GPR151: variants seen among roughly 807,000 people sequenced by gnomAD.
The protein encoded by GPR151 is G-protein coupled receptor PGR7.
A neutral mutation model predicts 18.2 loss-of-function variants in GPR151; 16 were observed. That is an observed-to-expected ratio of 0.88 (90% CI 0.60 to 1.34). The LOEUF is 1.34. GPR151 is among the 40% of genes most tolerant of loss of function. The pLI, the probability that GPR151 is intolerant of heterozygous loss-of-function variation, is 0.00. For missense variants in GPR151, 509 were observed against 504.3 expected (o/e 1.01, Z -0.09); for synonymous variants, 202 against 191.2 (o/e 1.06, Z -0.47).
Position 146,515,896 on chromosome 5 carries a change from A to G in GPR151, c.218T>C (p.Ile73Thr), listed in dbSNP as rs1768610989. ...GCTGAGATTCAGAATCAGGGAGTGGATCATGGATGGCTTTCCTTTCCAAGC... is the reference window on the plus strand; with the variant it reads ...GCTGAGATTCAGAATCAGGGAGTGGGTCATGGATGGCTTTCCTTTCCAAGC... ...HNAWKGKPSM[I>T]HSLILNLSLA... Residue 73 changes from isoleucine to threonine, a missense_variant, in exon 1 of 1, where the codon ATC becomes ACC. Ile to Thr is a moderately conservative substitution (Grantham distance 89, BLOSUM62 -1). Transcript: ENST00000311104. 5.0e-6 allele frequency: 8 copies of G among 1,614,144 alleles called. No individual in the cohort carries two copies. In the East Asian group the frequency reaches 8.9e-5, roughly 18 times the overall value.
rs1247966717 is a variant in GPR151, at chr5:146,516,058, G to T, written c.56C>A (p.Ala19Asp). The T allele has an allele frequency of 3.1e-6, 5 of 1,613,958 alleles. No individual in the cohort carries two copies. Among genetic ancestry groups the T allele is most frequent in the Non-Finnish European group, 4.2e-6 (5 of 1,180,026 alleles). The change falls in exon 1 of 1, where the codon GCT becomes GAT. Residue 19 changes from alanine to aspartate, a missense_variant. By Grantham distance (126) the Ala-to-Asp change is moderately radical (BLOSUM62 -2). Coordinates refer to ENST00000311104, the MANE Select transcript of GPR151 (RefSeq NM_194251.3). Reference sequence around the variant, plus strand: ...GTACCCTCCGGCAAAGTGGAGGTGAGCAAAGGACACATTCATGCTGCTGGA... The same window carrying T: ...GTACCCTCCGGCAAAGTGGAGGTGATCAAAGGACACATTCATGCTGCTGGA... ...SNSSSMNVSF[A>D]HLHFAGGYLP...
Position 146,513,438 on chromosome 5 carries a change from T to C in GPR151, c.*1416A>G, listed in dbSNP as rs769294010. The C allele has an allele frequency of 6.6e-6, 1 of 151,972 alleles. No homozygotes were observed. The highest frequency in any genetic ancestry group is 1.5e-5 in the Non-Finnish European group (1 of 67,980). 9.4% of individuals were successfully genotyped at this position (151,972 alleles called of 1,614,324 possible). Reference sequence around the variant, plus strand: ...GGAAACCCATAGACAAAAAGCAAAATCTTTTTTTTTCCATAACATATCCTT... The same window carrying C: ...GGAAACCCATAGACAAAAAGCAAAACCTTTTTTTTTCCATAACATATCCTT... On this transcript the variant is annotated 3_prime_UTR_variant, in exon 1 of 1. Transcript: ENST00000311104.
rs986284835 is a variant in GPR151, at chr5:146,514,806, T to C, written c.*48A>G. 1.6e-6 allele frequency: 2 copies of C among 1,223,440 alleles called. No individual in the cohort carries two copies. The highest frequency in any genetic ancestry group is 1.5e-5 in the African/African-American group (1 of 66,214). The allele number at this position is 1,223,440 out of a possible 1,614,324, so 75.8% of individuals were successfully genotyped here. A position where few individuals can be genotyped will look rare whatever the true frequency, so the allele number is the denominator to read the frequency against. ...AGTCAGCAATATTGATAAGCAGCAG[T>C]ACAAGTAAATACAATAATCACAGTT... On this transcript the variant is annotated 3_prime_UTR_variant, in exon 1 of 1. Transcript: ENST00000311104.
rs576695163 is a variant in GPR151 at position 146,516,054 on chromosome 5, G to T, written c.60C>A (p.His20Gln). 1 of 1,614,104 alleles carries T rather than the reference G, an allele frequency of 6.2e-7. No individual in the cohort carries two copies. The highest frequency in any genetic ancestry group is 1.3e-5 in the African/African-American group (1 of 75,032). Residue 20 changes from histidine (H) to glutamine (Q), a missense_variant, in exon 1 of 1, where the codon CAC (histidine) becomes CAA (glutamine). Coordinates refer to ENST00000311104, the MANE Select transcript of GPR151 (RefSeq NM_194251.3). ...GCAGGTACCCTCCGGCAAAGTGGAG[G>T]TGAGCAAAGGACACATTCATGCTGC... is the stretch of plus-strand genomic sequence containing the variant. Reference protein sequence around the residue: ...NSSSMNVSFAHLHFAGGYLPS... With the variant: ...NSSSMNVSFAQLHFAGGYLPS...
In GPR151 at chr5:146,515,935, A is replaced by T. The variant is rs149923366; in HGVS notation, c.179T>A (p.Ile60Asn). 6.2e-6 allele frequency: 10 copies of T among 1,613,932 alleles called. No individual in the cohort carries two copies. The highest frequency in any genetic ancestry group is 2.2e-5 in the South Asian group (2 of 91,060). Residue 60 changes from isoleucine to asparagine, a missense_variant, in exon 1 of 1, where the codon ATC (isoleucine) becomes AAC (asparagine). By Grantham distance (149) the Ile-to-Asn change is moderately radical. Transcript: ENST00000311104. ...TCCTTTCCAAGCATTGTGAAGGAGG[A>T]TGCCAATCACACACAGGTTTCCCAC... Reference protein sequence around the residue: ...GFVGNLCVIGILLHNAWKGKP... With the variant: ...GFVGNLCVIGNLLHNAWKGKP...
chr5:146,514,623 T>A lies in GPR151; in HGVS notation c.*231A>T. On this transcript the variant is annotated 3_prime_UTR_variant, in exon 1 of 1. Transcript: ENST00000311104. ...GTCTAATCACTTTGACAGCAACATCTTTACACAACACTTAAATTGTTTGGG... is the reference window on the plus strand; with the variant it reads ...GTCTAATCACTTTGACAGCAACATCATTACACAACACTTAAATTGTTTGGG... 7 of 472,494 alleles carry A rather than the reference T, an allele frequency of 1.5e-5. No individual in the cohort carries two copies. Among genetic ancestry groups the A allele is most frequent in the South Asian group, 7.6e-5 (2 of 26,376 alleles). 29.3% of individuals were successfully genotyped at this position (472,494 alleles called of 1,614,324 possible). A position where few individuals can be genotyped will look rare whatever the true frequency, so the allele number is the denominator to read the frequency against.
rs756533726 is a variant in GPR151, at chr5:146,515,673, CACTT to C, written c.437_440del (p.Gln146ArgfsTer104). On this transcript the variant is annotated frameshift_variant, in exon 1 of 1. Transcript: ENST00000311104. LOFTEE classifies it high-confidence loss of function. Reference sequence around the variant, plus strand: ...ACCAGATGGTGTAGTTGTGGATACTCACTTGCTTGGCTGGGTCACTTGCATACAT... The same window carrying C: ...ACCAGATGGTGTAGTTGTGGATACTCGCTTGGCTGGGTCACTTGCATACAT... 141 of 1,614,140 alleles carry C rather than the reference CACTT, an allele frequency of 8.7e-5. No individual in the cohort carries two copies. Among genetic ancestry groups the C allele is most frequent in the South Asian group, 3.6e-4 (33 of 91,066 alleles).
At position 146,513,422 on chromosome 5, in the gene GPR151, T is replaced by C. The variant is rs376370773; in HGVS notation, c.*1432A>G. 17 of 152,264 alleles carry C rather than the reference T, an allele frequency of 1.1e-4. 1 individual carries two copies. The highest frequency in any genetic ancestry group is 3.6e-4 in the African/African-American group (15 of 41,560). The allele number at this position is 152,264 out of a possible 1,614,324, so 9.4% of individuals were successfully genotyped here. A position where few individuals can be genotyped will look rare whatever the true frequency, so the allele number is the denominator to read the frequency against. The stretch of plus-strand genomic sequence containing the variant: ...AAAAAGCAAAGAATCCGGAAACCCA[T>C]AGACAAAAAGCAAAATCTTTTTTTT... On this transcript the variant is annotated 3_prime_UTR_variant, in exon 1 of 1. Transcript: ENST00000311104.
rs550150656 is a variant in GPR151 at position 146,514,014 on chromosome 5, A to T, written c.*840T>A. 6.6e-6 allele frequency: 1 copy of T among 152,328 alleles called. No individual in the cohort carries two copies. Among genetic ancestry groups the T allele is most frequent in the Admixed American group, 6.5e-5 (1 of 15,308 alleles). The allele number at this position is 152,328 out of a possible 1,614,324, so 9.4% of individuals were successfully genotyped here. A position where few individuals can be genotyped will look rare whatever the true frequency, so the allele number is the denominator to read the frequency against. On this transcript the variant is annotated 3_prime_UTR_variant, in exon 1 of 1. Transcript: ENST00000311104. Reference sequence around the variant, plus strand: ...AGAAAGGAGATATTAGGAGGAACACATTTCTGCTTATAGAAAAATAACTTT... The same window carrying T: ...AGAAAGGAGATATTAGGAGGAACACTTTTCTGCTTATAGAAAAATAACTTT...
In GPR151 at chr5:146,513,330, T is replaced by C. The variant is rs1350486776; in HGVS notation, c.*1524A>G. The C allele has an allele frequency of 6.6e-6, 1 of 152,172 alleles. No homozygotes were observed. The highest frequency in any genetic ancestry group is 1.5e-5 in the Non-Finnish European group (1 of 68,024). The allele number at this position is 152,172 out of a possible 1,614,324, so 9.4% of individuals were successfully genotyped here. A position where few individuals can be genotyped will look rare whatever the true frequency, so the allele number is the denominator to read the frequency against. On this transcript the variant is annotated 3_prime_UTR_variant, in exon 1 of 1. Transcript: ENST00000311104. ...ATACATGAGCTTCAAATAAAATTTG[T>C]AATGAAGGATGTAAAAAGAATACAG...
rs1768568578 is a variant in GPR151 at position 146,514,653 on chromosome 5, C to T, written c.*201G>A. 1 of 510,204 alleles carries T rather than the reference C, an allele frequency of 2.0e-6. No individual in the cohort carries two copies. Among genetic ancestry groups the T allele is most frequent in the East Asian group, 3.1e-5 (1 of 32,368 alleles). 31.6% of individuals were successfully genotyped at this position (510,204 alleles called of 1,614,324 possible). ...ACAACACTTAAATTGTTTGGGAAGCCAAGTTCTAATTCTGAAACAATTATT... is the reference window on the plus strand; with the variant it reads ...ACAACACTTAAATTGTTTGGGAAGCTAAGTTCTAATTCTGAAACAATTATT... On this transcript the variant is annotated 3_prime_UTR_variant, in exon 1 of 1. Transcript: ENST00000311104.
At position 146,513,902 on chromosome 5, in the gene GPR151, A is replaced by G. The variant is rs950628819; in HGVS notation, c.*952T>C. On this transcript the variant is annotated 3_prime_UTR_variant, in exon 1 of 1. Coordinates refer to ENST00000311104, the MANE Select transcript of GPR151 (RefSeq NM_194251.3). ...TCTGAGTAAGGGTAAGTTTAGTACC[A>G]TTAACAAGAAAGATCACCATCTCCA... is the stretch of plus-strand genomic sequence containing the variant. 1 of 152,222 alleles carries G rather than the reference A, an allele frequency of 6.6e-6. No individual in the cohort carries two copies. The highest frequency in any genetic ancestry group is 2.4e-5 in the African/African-American group (1 of 41,460). The allele number at this position is 152,222 out of a possible 1,614,324, so 9.4% of individuals were successfully genotyped here.
Position 146,514,619 on chromosome 5 carries a change from C to CGT in GPR151, c.*234_*235insAC. ...GGCTGTCTAATCACTTTGACAGCAACATCTTTACACAACACTTAAATTGTT... is the reference window on the plus strand; with the variant it reads ...GGCTGTCTAATCACTTTGACAGCAACGTATCTTTACACAACACTTAAATTGTT... On this transcript the variant is annotated 3_prime_UTR_variant, in exon 1 of 1. Transcript: ENST00000311104. 5 of 455,230 alleles carry CGT rather than the reference C, an allele frequency of 1.1e-5. No homozygotes were observed. Among genetic ancestry groups the CGT allele is most frequent in the South Asian group, 8.3e-5 (2 of 24,206 alleles). The allele number at this position is 455,230 out of a possible 1,614,324, so 28.2% of individuals were successfully genotyped here. A position where few individuals can be genotyped will look rare whatever the true frequency, so the allele number is the denominator to read the frequency against.
rs1561719303 is a variant in GPR151, at chr5:146,515,648, A to G, written c.466T>C (p.Ser156Pro). ...ACAGTCCAGATGGCCACCAGCACTG[A>G]CCAGATGGTGTAGTTGTGGATACTC... ...QVSIHNYTIW[S>P]VLVAIWTVAS... The change falls in exon 1 of 1, where the codon TCA becomes CCA. Residue 156 changes from serine (S) to proline (P), a missense_variant. By Grantham distance (74) the Ser-to-Pro change is moderately conservative. Transcript: ENST00000311104. The G allele has an allele frequency of 6.2e-7, 1 of 1,614,164 alleles. No individual in the cohort carries two copies. The highest frequency in any genetic ancestry group is 8.5e-7 in the Non-Finnish European group (1 of 1,180,016).
rs1768557452 is a variant in GPR151 at position 146,513,796 on chromosome 5, A to G, written c.*1058T>C. 1 of 152,114 alleles carries G rather than the reference A, an allele frequency of 6.6e-6. No individual in the cohort carries two copies. Among genetic ancestry groups the G allele is most frequent in the Non-Finnish European group, 1.5e-5 (1 of 68,020 alleles). The allele number at this position is 152,114 out of a possible 1,614,324, so 9.4% of individuals were successfully genotyped here. ...GTTGAATTTTCTCTTTTTGATATTA[A>G]TCTCTTTCTCAGGTTGCTAGATTAT... On this transcript the variant is annotated 3_prime_UTR_variant, in exon 1 of 1. Transcript: ENST00000311104.
chr5:146,515,172 C>T lies in GPR151; in HGVS notation c.942G>A (p.Arg314=), dbSNP rs981766282. ...LIFLVMSEEF[R]EGLKGVWKWM... ...ATTTCCATACACCTTTCAAGCCTTC[C>T]CTGAACTCTTCCGACATCACAAGAA... The change falls in exon 1 of 1, where the codon AGG becomes AGA. Residue 314 remains arginine (R), a synonymous_variant. Transcript: ENST00000311104. The T allele has an allele frequency of 5.0e-6, 8 of 1,613,954 alleles. No homozygotes were observed. In the African/African-American group the frequency reaches 5.3e-5, roughly 11 times the overall value.
chr5:146,514,729 AT>A lies in GPR151; in HGVS notation c.*124del. On this transcript the variant is annotated 3_prime_UTR_variant, in exon 1 of 1. Coordinates refer to ENST00000311104, the MANE Select transcript of GPR151 (RefSeq NM_194251.3). Reference sequence around the variant, plus strand: ...CACATTGCACATTTGGAAAGTGTAGATTGTGAAATATTTTTATAATTCCTAA... The same window carrying A: ...CACATTGCACATTTGGAAAGTGTAGATGTGAAATATTTTTATAATTCCTAA... The A allele has an allele frequency of 3.0e-6, 2 of 666,960 alleles. No homozygotes were observed. The highest frequency in any genetic ancestry group is 2.3e-5 in the South Asian group (1 of 44,044). 41.3% of individuals were successfully genotyped at this position (666,960 alleles called of 1,614,324 possible).
rs770701300 is a variant in GPR151 at position 146,515,279 on chromosome 5, C to CA, written c.834dup (p.Ala279CysfsTer70). 6.2e-7 allele frequency: 1 copy of CA among 1,614,184 alleles called. No individual in the cohort carries two copies. The highest frequency in any genetic ancestry group is 1.1e-5 in the South Asian group (1 of 91,082). ...AAACCTTGTGGTGGGGCCGGGCCTG[C>CA]AGCCTTCAGATGCCATACCCACAGC... On this transcript the variant is annotated frameshift_variant, in exon 1 of 1. Coordinates refer to ENST00000311104, the MANE Select transcript of GPR151 (RefSeq NM_194251.3). LOFTEE classifies it high-confidence loss of function.
At position 146,513,560 on chromosome 5, in the gene GPR151, T is replaced by G. The variant is rs1768551289; in HGVS notation, c.*1294A>C. ...ATACCCGAGTTCCATAACAAAGTAA[T>G]CAAGAATCATGGGTGAATGTCATTA... On this transcript the variant is annotated 3_prime_UTR_variant, in exon 1 of 1. Transcript: ENST00000311104. 1 of 151,838 alleles carries G rather than the reference T, an allele frequency of 6.6e-6. No homozygotes were observed. Among genetic ancestry groups the G allele is most frequent in the Non-Finnish European group, 1.5e-5 (1 of 68,008 alleles). The allele number at this position is 151,838 out of a possible 1,614,324, so 9.4% of individuals were successfully genotyped here.
Sources: gnomAD v4.1 joint callset for allele counts on GRCh38, gnomAD v4.1.1 for gene constraint, MANE v1.5 for transcripts, NCBI Gene and HGNC (gene_info 2026-07-23, HGNC 2026-07-21) for gene names.